FARS2: variants seen among roughly 807,000 people sequenced by gnomAD.
FARS2 encodes the protein phenylalanine--tRNA ligase, mitochondrial.
In FARS2, 40 loss-of-function variants were observed where a neutral mutation model predicts 46.4. The ratio of observed to expected loss-of-function variants is 0.86; its 90% CI spans 0.67 to 1.12. The LOEUF is 1.12. FARS2 is among the 50% of genes most tolerant of loss of function. The pLI is 0.00. For missense variants in FARS2, 513 were observed against 567.9 expected (o/e 0.90, Z 0.98); for synonymous variants, 234 against 214.9 (o/e 1.09, Z -0.78).
chr6:5,628,180 T>A lies in FARS2; in HGVS notation c.1217+14860T>A, dbSNP rs541245832. Among the ~76,000 whole-genome samples the A allele has an allele frequency of 1.3e-4, 20 of 152,134 alleles. No individual in the cohort carries two copies. In the East Asian group the frequency reaches 3.9e-3, roughly 29 times the overall value. Reference sequence around the variant, plus strand: ...GACAGGAACGGGGGAGATCACAGGGTTGGATGGAAATTCAAGCAGTCAAAT... The same window carrying A: ...GACAGGAACGGGGGAGATCACAGGGATGGATGGAAATTCAAGCAGTCAAAT... On this transcript the variant is annotated intron_variant, in intron 6 of 6. Coordinates refer to ENST00000274680, the MANE Select transcript of FARS2 (RefSeq NM_006567.5).
At chr6:5,752,606 G>A (rs1158926206) in intron 6 of FARS2, among the ~76,000 whole-genome samples, 1 of 152,184 alleles carries the variant, frequency 6.6e-6, no homozygotes, top group East Asian at 1.9e-4. Flanking sequence ...GAACAGACGG[G>A]TTCTGCGATG....
At chr6:5,314,549 G>A (rs949535049) in intron 1 of FARS2, among the ~76,000 whole-genome samples, 3 of 152,194 alleles carry the variant, frequency 2.0e-5, no homozygotes, top group African/African-American at 7.2e-5. Flanking sequence ...TACCTTTTAG[G>A]ATAAACTGCC....
At chr6:5,326,830 A>G (rs1770424774) in intron 1 of FARS2, among the ~76,000 whole-genome samples, 2 of 152,208 alleles carry the variant, frequency 1.3e-5, no homozygotes, top group African/African-American at 4.8e-5. Flanking sequence ...TCTAGAGGCA[A>G]TATTTGGAAT....
At chr6:5,632,637 T>TTCCTTCCTTC (rs1776350618) in intron 6 of FARS2, among the ~76,000 whole-genome samples, 1 of 141,176 alleles carries the variant, frequency 7.1e-6, no homozygotes, top group African/African-American at 2.7e-5. Context: ...CTCCCTCCCT[T>TTCCTTCCTTC]CTTCCTTCCT....
intron 4 of FARS2, among the ~76,000 whole-genome samples, chr6:5,486,975 A>G (rs1450537708): frequency 6.6e-6 from 1 of 151,608 alleles, no homozygotes; most frequent in Non-Finnish European, 1.5e-5. Context: ...TGCCGTGAAC[A>G]TCACACAGAA....
At chr6:5,628,044 C>T (rs774515129) in intron 6 of FARS2, among the ~76,000 whole-genome samples, 6 of 152,134 alleles carry the variant, frequency 3.9e-5, no homozygotes, top group East Asian at 3.8e-4. Context: ...GGGATTTTAA[C>T]GAGGTTGGTC....
At chr6:5,426,225 A>G (rs1218203572) in intron 3 of FARS2, among the ~76,000 whole-genome samples, 3 of 152,216 alleles carry the variant, frequency 2.0e-5, no homozygotes, top group Non-Finnish European at 2.9e-5. Context: ...TATATAGTTC[A>G]TATATGCACT....
At position 5,748,710 on chromosome 6, in the gene FARS2, A is replaced by G. The variant is rs538015065; in HGVS notation, c.1218-22581A>G. On this transcript the variant is annotated intron_variant, in intron 6 of 6. Coordinates refer to ENST00000274680, the MANE Select transcript of FARS2 (RefSeq NM_006567.5). ...GAGCCTGGAGCAGTAACCAAAAATG[A>G]GTTAGTTCAACTATTGCCAGCCAGT... Among the ~76,000 whole-genome samples, 4 of 152,364 alleles carry G rather than the reference A, an allele frequency of 2.6e-5. No individual in the cohort carries two copies. In the East Asian group the frequency reaches 5.8e-4, roughly 22 times the overall value.
chr6:5,376,579 G>C (rs548070561), intron 2 of FARS2, among the ~76,000 whole-genome samples: 1 of 152,106 alleles, frequency 6.6e-6, no homozygotes, highest in Non-Finnish European at 1.5e-5. Context: ...GATAAAATGG[G>C]CTCTGTTTTT....
intron 4 of FARS2, among the ~76,000 whole-genome samples, chr6:5,460,858 A>G (rs1024673726): frequency 1.3e-5 from 2 of 152,098 alleles, no homozygotes; most frequent in African/African-American, 4.8e-5. Context: ...AGTTGTCAGG[A>G]AGGCCAGGAA....
At chr6:5,558,230 G>T (rs1771780133) in intron 5 of FARS2, among the ~76,000 whole-genome samples, 1 of 152,110 alleles carries the variant, frequency 6.6e-6, no homozygotes, top group Admixed American at 6.5e-5. Context: ...GGCTCATTCT[G>T]CTCCTTTACT....
chr6:5,297,444 T>C (rs1046303467), intron 1 of FARS2, among the ~76,000 whole-genome samples: 1 of 152,188 alleles, frequency 6.6e-6, no homozygotes, highest in Non-Finnish European at 1.5e-5. Context: ...GGTCAGGAGT[T>C]CGAAACCAGC....
At chr6:5,562,501 T>C (rs201609889) in intron 5 of FARS2, among the ~76,000 whole-genome samples, 2 of 152,102 alleles carry the variant, frequency 1.3e-5, no homozygotes, top group African/African-American at 4.8e-5. Context: ...AAGGAAATAA[T>C]CTCCTTAACA....
chr6:5,466,518 G>A (rs1765523140), intron 4 of FARS2: 2 of 984,030 alleles, frequency 2.0e-6, no homozygotes, highest in African/African-American at 1.7e-5. Context: ...GAAATATGTT[G>A]TATACCTCAT....
Position 5,506,662 on chromosome 6 carries a change from G to A in FARS2, c.905-38518G>A, listed in dbSNP as rs576469815. ...ACAAACCTTCATAACATTACACGAAGATGCTTGGAGCCTGGGAAGGATCTG... is the reference window on the plus strand; with the variant it reads ...ACAAACCTTCATAACATTACACGAAAATGCTTGGAGCCTGGGAAGGATCTG... On this transcript the variant is annotated intron_variant, in intron 4 of 6. Transcript: ENST00000274680. Among the ~76,000 whole-genome samples, 6 of 152,330 alleles carry A rather than the reference G, an allele frequency of 3.9e-5. No individual in the cohort carries two copies. In the South Asian group the frequency reaches 1.2e-3, roughly 32 times the overall value.
At chr6:5,411,767 G>C (rs970494682) in intron 3 of FARS2, among the ~76,000 whole-genome samples, 3 of 152,084 alleles carry the variant, frequency 2.0e-5, no homozygotes, top group Non-Finnish European at 4.4e-5. Context: ...TATAAGAAAG[G>C]TTATCATTTT....
At chr6:5,570,459 A>G (rs955230748) in intron 5 of FARS2, among the ~76,000 whole-genome samples, 2 of 152,136 alleles carry the variant, frequency 1.3e-5, no homozygotes, top group African/African-American at 4.8e-5. Flanking sequence ...TTAATATTGT[A>G]TTACCATAAT....
chr6:5,588,868 T>A (rs1773763911), intron 5 of FARS2, among the ~76,000 whole-genome samples: 1 of 152,224 alleles, frequency 6.6e-6, no homozygotes, highest in South Asian at 2.1e-4. Context: ...CACGCCTGCC[T>A]GTCTTTCTAC....
chr6:5,695,928 G>A (rs769732099), intron 6 of FARS2, among the ~76,000 whole-genome samples: 17 of 152,232 alleles, frequency 1.1e-4, no homozygotes, highest in Non-Finnish European at 2.4e-4. Context: ...CAGTCGGTGA[G>A]CACGAGACAT....
Sources: allele counts gnomAD v4.1 joint callset (sites outside exome capture counted in the v4.1 genomes callset), GRCh38; gene constraint gnomAD v4.1.1; transcripts MANE v1.5; gene names NCBI Gene and HGNC (gene_info 2026-07-23, HGNC 2026-07-21).